FSTL4: variants seen among roughly 807,000 people sequenced by gnomAD.
FSTL4 encodes the protein follistatin-related protein 4.
In FSTL4, 28 loss-of-function variants were observed where a neutral mutation model predicts 78.2. The observed-to-expected ratio is 0.36, with a 90% CI of 0.27 to 0.49. FSTL4 has a LOEUF of 0.49. FSTL4 is among the 20% of genes least tolerant of loss of function. The pLI, the probability that FSTL4 is intolerant of heterozygous loss-of-function variation, is 0.98. For synonymous variants in FSTL4, 422 were observed against 440.5 expected (o/e 0.96, Z 0.53); for missense variants, 922 against 1,084.9 (o/e 0.85, Z 2.11).
intron 6 of FSTL4, among the ~76,000 whole-genome samples, chr5:133,305,887 G>T (rs1355097609): frequency 6.6e-6 from 1 of 152,218 alleles, no homozygotes; most frequent in South Asian, 2.1e-4. Context: ...CAAGTGTACA[G>T]ATGGGAGATG....
intron 13 of FSTL4, among the ~76,000 whole-genome samples, chr5:133,212,334 A>G (rs771373281): frequency 2.6e-5 from 4 of 152,186 alleles, no homozygotes; most frequent in Non-Finnish European, 5.9e-5. Flanking sequence ...TAAGCCAAAA[A>G]TCATTTAAAT....
chr5:133,544,275 C>T (rs1403134044), intron 3 of FSTL4, among the ~76,000 whole-genome samples: 1 of 152,082 alleles, frequency 6.6e-6, no homozygotes, highest in Non-Finnish European at 1.5e-5. Flanking sequence ...TGTTGGAAAA[C>T]ATCCATTAAA....
At chr5:133,591,533 C>T (rs1430329984) in intron 2 of FSTL4, among the ~76,000 whole-genome samples, 2 of 152,156 alleles carry the variant, frequency 1.3e-5, no homozygotes, top group African/African-American at 4.8e-5. Flanking sequence ...CAGCGCTGCA[C>T]CCACATCCTC....
At chr5:133,439,456 CTGT>C (rs1202215525) in intron 3 of FSTL4, among the ~76,000 whole-genome samples, 2 of 152,130 alleles carry the variant, frequency 1.3e-5, no homozygotes, top group African/African-American at 4.8e-5. Flanking sequence ...ATTTTTCATT[CTGT>C]TGTTGTCAGG....
intron 3 of FSTL4, among the ~76,000 whole-genome samples, chr5:133,480,579 G>A (rs975725580): frequency 6.6e-6 from 1 of 152,014 alleles, no homozygotes; most frequent in Non-Finnish European, 1.5e-5. Flanking sequence ...TCAACGTGAA[G>A]CCGGTTCTAC....
the FSTL4 span, among the ~76,000 whole-genome samples, chr5:133,692,873 A>G: frequency 6.6e-6 from 1 of 152,174 alleles, no homozygotes; most frequent in Non-Finnish European, 1.5e-5. Flanking sequence ...GACCTCTCCC[A>G]TTAGGTCAGG....
At chr5:133,366,056 G>A (rs1040940361) in intron 4 of FSTL4, among the ~76,000 whole-genome samples, 17 of 152,174 alleles carry the variant, frequency 1.1e-4, no homozygotes, top group Non-Finnish European at 2.4e-4. Context: ...ACCTGCCTGG[G>A]CTTCTGGATC....
chr5:133,639,615 G>A, the FSTL4 span, among the ~76,000 whole-genome samples: 1 of 152,318 alleles, frequency 6.6e-6, no homozygotes, highest in East Asian at 1.9e-4. Context: ...CCCAGAAGAG[G>A]AAGAGGAGGA....
chr5:133,466,404 C>T (rs12109059), intron 3 of FSTL4, among the ~76,000 whole-genome samples: 17,025 of 151,952 alleles, frequency 0.11, 1,641 homozygotes, highest in African/African-American at 0.27. Context: ...TAGCCGGGTG[C>T]GGTGGCAGGC....
At chr5:133,683,952 G>A in the FSTL4 span, among the ~76,000 whole-genome samples, 2 of 152,024 alleles carry the variant, frequency 1.3e-5, no homozygotes, top group South Asian at 2.1e-4. Flanking sequence ...GCTGCTGCGT[G>A]TAGCTCATCT....
At chr5:133,451,096 G>A (rs1336186207) in intron 3 of FSTL4, among the ~76,000 whole-genome samples, 7 of 152,152 alleles carry the variant, frequency 4.6e-5, no homozygotes, top group Admixed American at 4.6e-4. Context: ...TAAGTAACTC[G>A]GAGAAGGAAG....
chr5:133,662,677 T>A, the FSTL4 span, among the ~76,000 whole-genome samples: 1 of 151,990 alleles, frequency 6.6e-6, no homozygotes, highest in Non-Finnish European at 1.5e-5. Context: ...CGGCAGAGAG[T>A]CAGGTGTGTC....
intron 6 of FSTL4, among the ~76,000 whole-genome samples, chr5:133,282,527 A>G (rs554016482): frequency 1.3e-4 from 20 of 152,322 alleles, no homozygotes; most frequent in African/African-American, 4.8e-4. Flanking sequence ...TAGCAGCAGG[A>G]TCATTTCTCC....
intron 2 of FSTL4, among the ~76,000 whole-genome samples, chr5:133,589,286 T>A (rs866853793): frequency 7.6e-4 from 61 of 80,328 alleles, no homozygotes; most frequent in Non-Finnish European, 1.0e-3. Context: ...TAGAGTATAA[T>A]AAAAAAAAAA....
chr5:133,285,470 G>T (rs1753107995), intron 6 of FSTL4, among the ~76,000 whole-genome samples: 1 of 152,174 alleles, frequency 6.6e-6, no homozygotes. Flanking sequence ...GGGCAGGAAA[G>T]GTGCCCCATT....
chr5:133,839,885 G>A, the FSTL4 span, among the ~76,000 whole-genome samples: 5 of 152,182 alleles, frequency 3.3e-5, no homozygotes, highest in African/African-American at 9.7e-5. Flanking sequence ...CAATACACAC[G>A]GGGCCATTAG....
chr5:133,633,426 A>G, the FSTL4 span, among the ~76,000 whole-genome samples: 1 of 151,930 alleles, frequency 6.6e-6, no homozygotes, highest in African/African-American at 2.4e-5. Flanking sequence ...TAAATTTTTT[A>G]TTTGTTCCTG....
chr5:133,604,139 T>C (rs138526653), intron 1 of FSTL4, 146 bp from the exon 2 acceptor site: 27 of 610,664 alleles, frequency 4.4e-5, no homozygotes, highest in East Asian at 1.6e-4. Context: ...GGAGAGGTTA[T>C]ATTACTTCTG....
At chr5:133,645,474 G>A in the FSTL4 span, among the ~76,000 whole-genome samples, 1 of 152,100 alleles carries the variant, frequency 6.6e-6, no homozygotes. Flanking sequence ...GGTTTCTCTG[G>A]TACTACCTTT....
Sources: allele counts gnomAD v4.1 joint callset (sites outside exome capture counted in the v4.1 genomes callset), GRCh38; gene constraint gnomAD v4.1.1; transcripts MANE v1.5; gene names NCBI Gene and HGNC (gene_info 2026-07-23, HGNC 2026-07-21).